The following UBR2 variants were observed in gnomAD, a reference collection of about 807,000 sequenced individuals.
UBR2 encodes the protein ubiquitin protein ligase E3 component n-recognin 2, also known as E3 ubiquitin-protein ligase UBR2.
In UBR2, 92 loss-of-function variants were observed where a neutral mutation model predicts 247.9. The observed-to-expected ratio is 0.37, with a 90% CI of 0.31 to 0.44. The LOEUF is 0.44. Ranked by LOEUF, UBR2 falls within the 20% of genes least tolerant of loss-of-function variation. The pLI is 1.00. For synonymous variants in UBR2, 672 were observed against 693.5 expected (o/e 0.97, Z 0.49); for missense variants, 1,613 against 2,112.6 (o/e 0.76, Z 4.64).
At chr6:42,644,807 G>A (rs1267292668) in intron 20 of UBR2, among the ~76,000 whole-genome samples, 1 of 152,036 alleles carries the variant, frequency 6.6e-6, no homozygotes, top group Non-Finnish European at 1.5e-5. Flanking sequence ...GGGGGAGCGG[G>A]GGACAGGAGA....
At chr6:42,677,542 A>G (rs1315879977) in intron 40 of UBR2, among the ~76,000 whole-genome samples, 3 of 152,154 alleles carry the variant, frequency 2.0e-5, no homozygotes, top group Non-Finnish European at 4.4e-5. Context: ...CTTTGGGAGA[A>G]TGAGGCTGGC....
chr6:42,664,594 A>G (rs1157357143), intron 32 of UBR2, among the ~76,000 whole-genome samples: 1 of 152,226 alleles, frequency 6.6e-6, no homozygotes, highest in Non-Finnish European at 1.5e-5. Flanking sequence ...CTATGCTACC[A>G]CAAAATGTTC....
chr6:42,580,884 G>A (rs1304618789), intron 2 of UBR2, among the ~76,000 whole-genome samples: 1 of 152,070 alleles, frequency 6.6e-6, no homozygotes, highest in Non-Finnish European at 1.5e-5. Flanking sequence ...TATGATTTAT[G>A]TATTGTGAAG....
At chr6:42,608,280 T>C (rs1209517189) in intron 7 of UBR2, among the ~76,000 whole-genome samples, 1 of 152,172 alleles carries the variant, frequency 6.6e-6, no homozygotes, top group East Asian at 1.9e-4. Context: ...AGGGCCTGTT[T>C]CTCCACATCT....
intron 41 of UBR2, among the ~76,000 whole-genome samples, chr6:42,679,435 A>G (rs1362512641): frequency 6.6e-6 from 1 of 152,278 alleles, no homozygotes; most frequent in Non-Finnish European, 1.5e-5. Context: ...AATGTTCACA[A>G]TAACCCTGTG....
intron 25 of UBR2, among the ~76,000 whole-genome samples, chr6:42,653,606 C>CTTT (rs72460060): frequency 2.0e-4 from 10 of 50,618 alleles, no homozygotes; most frequent in South Asian, 2.3e-3. Context: ...ATGCTAAGCC[C>CTTT]TTTTTTTTTT....
intron 11 of UBR2, among the ~76,000 whole-genome samples, chr6:42,622,285 C>G (rs951228263): frequency 6.6e-6 from 1 of 152,110 alleles, no homozygotes; most frequent in African/African-American, 2.4e-5. Context: ...TCCCAAAGTG[C>G]TGGGATTACA....
Position 42,678,524 on chromosome 6 carries a change from T to G in UBR2, c.4479-15T>G. 6.3e-7 allele frequency: 1 copy of G among 1,597,920 alleles called. No homozygotes were observed. Among genetic ancestry groups the G allele is most frequent in the Non-Finnish European group, 8.5e-7 (1 of 1,176,124 alleles). ...TCTTAGTAGATTTCCCAATAATCTTTTTTTTCTTTTTTAGTGCCTTGAAAG... is the reference window on the plus strand; with the variant it reads ...TCTTAGTAGATTTCCCAATAATCTTGTTTTTCTTTTTTAGTGCCTTGAAAG... On this transcript the variant is annotated splice_polypyrimidine_tract_variant and intron_variant, in intron 40 of 46. Transcript: ENST00000372901.
intron 42 of UBR2, among the ~76,000 whole-genome samples, chr6:42,680,489 G>A (rs1276951618): frequency 1.3e-5 from 2 of 151,938 alleles, no homozygotes. Flanking sequence ...ATTTTTTCCA[G>A]ACTGCCTTTG....
At chr6:42,607,747 G>A (rs1793809088) in intron 7 of UBR2, among the ~76,000 whole-genome samples, 1 of 147,624 alleles carries the variant, frequency 6.8e-6, no homozygotes, top group Admixed American at 6.8e-5. Context: ...TAGAGAAGGG[G>A]TTTCCCCCAT....
chr6:42,622,908 C>T (rs1399441905), intron 11 of UBR2, among the ~76,000 whole-genome samples: 2 of 151,174 alleles, frequency 1.3e-5, no homozygotes, highest in African/African-American at 4.9e-5. Flanking sequence ...CTCAAGCTAT[C>T]ATCCTGCCTC....
chr6:42,609,906 A>AT (rs1277680786), intron 7 of UBR2, among the ~76,000 whole-genome samples: 1 of 151,696 alleles, frequency 6.6e-6, no homozygotes, highest in Admixed American at 6.6e-5. Flanking sequence ...AAAAAAAAAA[A>AT]AAGAAAAAAA....
intron 45 of UBR2, 147 bp downstream of exon 45, chr6:42,688,533 A>C: frequency 1.1e-6 from 1 of 875,458 alleles, no homozygotes; most frequent in East Asian, 2.6e-5. Context: ...TTGTCGCCTC[A>C]CATCTCACAT....
chr6:42,675,489 TA>T (rs1369469925), intron 38 of UBR2, among the ~76,000 whole-genome samples: 1 of 152,176 alleles, frequency 6.6e-6, no homozygotes, highest in Non-Finnish European at 1.5e-5. Flanking sequence ...TTGTTAACAA[TA>T]AGCTATGTAT....
chr6:42,648,213 C>T lies in UBR2; in HGVS notation c.2462+43C>T, dbSNP rs1477708850. The T allele has an allele frequency of 6.6e-6, 10 of 1,504,748 alleles. No individual in the cohort carries two copies. The African/African-American group carries it at 8.3e-5, about 12-fold the overall frequency. The allele number at this position is 1,504,748 out of a possible 1,614,324, so 93.2% of individuals were successfully genotyped here. ...TATTTCACATTCTTTTTTACTTTTC[C>T]AGTACATTCATTTTTCTTAGAGTGT... On this transcript the variant is annotated intron_variant, in intron 22 of 46. Coordinates refer to ENST00000372901, the MANE Select transcript of UBR2 (RefSeq NM_001363705.2).
At chr6:42,638,692 T>C (rs528694128) in intron 15 of UBR2, among the ~76,000 whole-genome samples, 1 of 151,744 alleles carries the variant, frequency 6.6e-6, no homozygotes, top group Non-Finnish European at 1.5e-5. Flanking sequence ...GGCAAGAAAG[T>C]GAGGCATGCG....
chr6:42,664,351 A>G (rs1167619669), intron 32 of UBR2: 3 of 152,192 alleles, frequency 2.0e-5, no homozygotes, highest in Non-Finnish European at 2.9e-5. Flanking sequence ...AGTTTTTTGG[A>G]TGCTTTTAGT....
intron 10 of UBR2, among the ~76,000 whole-genome samples, chr6:42,616,316 A>G (rs1441841834): frequency 6.6e-6 from 1 of 152,084 alleles, no homozygotes. Flanking sequence ...CTATTATACA[A>G]TGTTTATGAA....
intron 11 of UBR2, among the ~76,000 whole-genome samples, chr6:42,622,712 G>A (rs1795071263): frequency 6.6e-6 from 1 of 151,838 alleles, no homozygotes; most frequent in Non-Finnish European, 1.5e-5. Context: ...CCTGTTTTTG[G>A]CTTTTGATTC....
Sources: gnomAD v4.1 joint callset for allele counts (sites outside exome capture counted in the v4.1 genomes callset) on GRCh38, gnomAD v4.1.1 for gene constraint, MANE v1.5 for transcripts, NCBI Gene and HGNC (gene_info 2026-07-23, HGNC 2026-07-21) for gene names.